SEMA6B: variants seen among roughly 807,000 people sequenced by gnomAD.
SEMA6B encodes the protein semaphorin 6B.
SEMA6B carries 47 observed loss-of-function variants against 78.6 expected under a neutral mutation model. That is an observed-to-expected ratio of 0.60 (90% CI 0.47 to 0.76). The LOEUF (loss-of-function observed/expected upper bound fraction) is 0.76. Among genes scored for constraint, SEMA6B ranks in the 30% least tolerant of loss-of-function variants. The pLI is 0.00. For synonymous variants in SEMA6B, 632 were observed against 592.2 expected (o/e 1.07, Z -0.98); for missense variants, 1,213 against 1,269.9 (o/e 0.96, Z 0.68).
chr19:4,551,961 A>G (rs992354636), intron 10 of SEMA6B, among the ~76,000 whole-genome samples: 4 of 152,144 alleles, frequency 2.6e-5, no homozygotes, highest in African/African-American at 9.7e-5. Context: ...CCTGCAGCCC[A>G]CAAAGCCTTG....
rs931287160 is a variant in SEMA6B, at chr19:4,550,488, C to G, written c.1122-216G>C. Among the ~76,000 whole-genome samples the G allele has an allele frequency of 1.3e-5, 2 of 152,118 alleles. No individual in the cohort carries two copies. Among genetic ancestry groups the G allele is most frequent in the Non-Finnish European group, 2.9e-5 (2 of 68,002 alleles). ...AAGCGATTCTCCTGCTTCAGCCACC[C>G]GAGTGGCTGGGATTACAGGCACGTG... On this transcript the variant is annotated intron_variant, in intron 11 of 16. Transcript: ENST00000586582. This position sits in a 1 kb window ranked among gnomAD's most constrained non-coding sequence, Gnocchi z 6.6.
In SEMA6B at chr19:4,542,644, C is replaced by T; in HGVS notation, c.*957G>A. 3.5e-6 allele frequency: 2 copies of T among 571,898 alleles called. No homozygotes were observed. Among genetic ancestry groups the T allele is most frequent in the Non-Finnish European group, 6.4e-6 (2 of 312,180 alleles). 35.4% of individuals were successfully genotyped at this position (571,898 alleles called of 1,614,324 possible). The stretch of plus-strand genomic sequence containing the variant: ...GGGAGGGGGCTGGGGGAGGCAAACT[C>T]CAGAGAGGGCAGAGGACCCAGCCAG... On this transcript the variant is annotated 3_prime_UTR_variant, in exon 17 of 17. Coordinates refer to ENST00000586582, the MANE Select transcript of SEMA6B (RefSeq NM_032108.4).
chr19:4,542,783 C>G lies in SEMA6B; in HGVS notation c.*818G>C. The stretch of plus-strand genomic sequence containing the variant: ...GTATTTACAGAGGGGCCCCACCCAC[C>G]TTCGCCGCCCCCCAGGCCCCCAAGC... On this transcript the variant is annotated 3_prime_UTR_variant, in exon 17 of 17. Transcript: ENST00000586582. 1.4e-6 allele frequency: 1 copy of G among 701,006 alleles called. No individual in the cohort carries two copies. The allele number at this position is 701,006 out of a possible 1,614,324, so 43.4% of individuals were successfully genotyped here. A position where few individuals can be genotyped will look rare whatever the true frequency, so the allele number is the denominator to read the frequency against.
chr19:4,550,219 G>A lies in SEMA6B; in HGVS notation c.1175C>T (p.Pro392Leu), dbSNP rs765498632. The stretch of plus-strand genomic sequence containing the variant: ...CTTGACAAAGTTGAGGATGTCATCC[G>A]GCAAGGCGCTGGAGGCATTGTACTG... Reference protein sequence around the residue: ...GMQYNASSALPDDILNFVKTH... With the variant: ...GMQYNASSALLDDILNFVKTH... Residue 392 changes from proline to leucine, a missense_variant, in exon 12 of 17, where the codon CCG becomes CTG. Physicochemically the swap from Pro to Leu is moderately conservative, Grantham distance 98. Coordinates refer to ENST00000586582, the MANE Select transcript of SEMA6B (RefSeq NM_032108.4). This position sits in a 1 kb window ranked among gnomAD's most constrained non-coding sequence, Gnocchi z 6.6. 4 of 1,613,634 alleles carry A rather than the reference G, an allele frequency of 2.5e-6. No individual in the cohort carries two copies. Among genetic ancestry groups the A allele is most frequent in the Non-Finnish European group, 3.4e-6 (4 of 1,179,992 alleles).
chr19:4,543,853 C>T lies in SEMA6B; in HGVS notation c.2415G>A (p.Thr805=), dbSNP rs1335432532. ...CGGCTGAGGCTGGGTCCAAGGGGCC[C>T]GTGGGCGCGGACACCACCCGCCGGC... is the stretch of plus-strand genomic sequence containing the variant. ...PDRRRVVSAP[T]GPLDPASAAD... The change falls in exon 17 of 17, where the codon ACG becomes ACA. Residue 805 remains threonine (T), a synonymous_variant. Coordinates refer to ENST00000586582, the MANE Select transcript of SEMA6B (RefSeq NM_032108.4). 1.1e-5 allele frequency: 13 copies of T among 1,209,986 alleles called. No individual in the cohort carries two copies. Among genetic ancestry groups the T allele is most frequent in the African/African-American group, 4.7e-5 (3 of 63,222 alleles). 75.0% of individuals were successfully genotyped at this position (1,209,986 alleles called of 1,614,324 possible). A position where few individuals can be genotyped will look rare whatever the true frequency, so the allele number is the denominator to read the frequency against.
Position 4,554,457 on chromosome 19 carries a change from C to T in SEMA6B, c.702G>A (p.Ala234=), listed in dbSNP as rs756878275. ...AGTAGACATGGCTGCCCCACTCCAC[C>T]GCATGGACAAAGTAAGGCTCTGCAG... ...KWFKEPYFVH[A]VEWGSHVYFF... is the part of the protein sequence containing the mutation. Residue 234 remains alanine, a synonymous_variant, in exon 9 of 17, where the codon GCG becomes GCA. Transcript: ENST00000586582. 5.6e-6 allele frequency: 9 copies of T among 1,613,870 alleles called. No homozygotes were observed. The highest frequency in any genetic ancestry group is 3.3e-5 in the Admixed American group (2 of 60,020).
In SEMA6B at chr19:4,552,304, A is replaced by C. The variant is rs117836440; in HGVS notation, c.989+118T>G. ...CCAGCCTGGGGCCGAGGCCTCTCAG[A>C]GGTCTAATCCAGTGGTGCCCAACCT... On this transcript the variant is annotated intron_variant, in intron 10 of 16. Transcript: ENST00000586582. This position sits in a 1 kb window ranked among gnomAD's most constrained non-coding sequence, Gnocchi z 7.4. 1,034 of 998,754 alleles carry C rather than the reference A, an allele frequency of 1.0e-3. 11 individuals carry two copies. The East Asian group carries it at 0.024, about 23-fold the overall frequency. 61.9% of individuals were successfully genotyped at this position (998,754 alleles called of 1,614,324 possible). A position where few individuals can be genotyped will look rare whatever the true frequency, so the allele number is the denominator to read the frequency against.
At chr19:4,549,413 T>A (rs1187292993) in intron 12 of SEMA6B, among the ~76,000 whole-genome samples, 2 of 150,438 alleles carry the variant, frequency 1.3e-5, no homozygotes, top group Admixed American at 1.3e-4. Flanking sequence ...GTGATTCTCC[T>A]GCCTCAGCCT....
In SEMA6B at chr19:4,550,666, A is replaced by G. The variant is rs1157421068; in HGVS notation, c.1121+133T>C. 1.8e-6 allele frequency: 2 copies of G among 1,140,224 alleles called. No individual in the cohort carries two copies. Among genetic ancestry groups the G allele is most frequent in the South Asian group, 1.6e-5 (1 of 63,770 alleles). The allele number at this position is 1,140,224 out of a possible 1,614,324, so 70.6% of individuals were successfully genotyped here. A position where few individuals can be genotyped will look rare whatever the true frequency, so the allele number is the denominator to read the frequency against. On this transcript the variant is annotated intron_variant, in intron 11 of 16. Coordinates refer to ENST00000586582, the MANE Select transcript of SEMA6B (RefSeq NM_032108.4). This position sits in a 1 kb window ranked among gnomAD's most constrained non-coding sequence, Gnocchi z 6.6. ...GGCGTGAGCCACCACACCAGGCCTC[A>G]GTTTTTCCCAACTGTATAACGGGTA...
chr19:4,549,064 G>A (rs1038076858), intron 12 of SEMA6B, among the ~76,000 whole-genome samples: 2 of 152,134 alleles, frequency 1.3e-5, no homozygotes, highest in Non-Finnish European at 2.9e-5. Flanking sequence ...GACCTCAAGT[G>A]ATCCTCCCGT....
chr19:4,546,473 G>A lies in SEMA6B; in HGVS notation c.1602-4C>T. ...GTCCTGACTGCCGATACAGTTCCTAGAGCAGACCAGGGACCGAATGGGACA... is the reference window on the plus strand; with the variant it reads ...GTCCTGACTGCCGATACAGTTCCTAAAGCAGACCAGGGACCGAATGGGACA... On this transcript the variant is annotated splice_region_variant and splice_polypyrimidine_tract_variant and intron_variant, in intron 14 of 16. Transcript: ENST00000586582. 6.4e-7 allele frequency: 1 copy of A among 1,552,926 alleles called. No homozygotes were observed. The highest frequency in any genetic ancestry group is 8.7e-7 in the Non-Finnish European group (1 of 1,147,180).
chr19:4,543,731 G>T lies in SEMA6B; in HGVS notation c.2537C>A (p.Thr846Asn). 8.1e-7 allele frequency: 1 copy of T among 1,228,350 alleles called. No homozygotes were observed. The highest frequency in any genetic ancestry group is 1.0e-6 in the Non-Finnish European group (1 of 985,782). 76.1% of individuals were successfully genotyped at this position (1,228,350 alleles called of 1,614,324 possible). A position where few individuals can be genotyped will look rare whatever the true frequency, so the allele number is the denominator to read the frequency against. Reference protein sequence around the residue: ...HAPPAATLRRTHTFNSGEARP... With the variant: ...HAPPAATLRRNHTFNSGEARP... ...GGCCTCGCCGCTGTTGAACGTGTGG[G>T]TGCGGCGCAGGGTGGCGGCCGGAGG... Residue 846 changes from threonine to asparagine, a missense_variant, in exon 17 of 17, where the codon ACC becomes AAC. Physicochemically the swap from Thr to Asn is moderately conservative, Grantham distance 65. Transcript: ENST00000586582.
At position 4,543,883 on chromosome 19, in the gene SEMA6B, C is replaced by T; in HGVS notation, c.2385G>A (p.Pro795=). 2 of 1,205,138 alleles carry T rather than the reference C, an allele frequency of 1.7e-6. No individual in the cohort carries two copies. Among genetic ancestry groups the T allele is most frequent in the African/African-American group, 1.6e-5 (1 of 63,162 alleles). The allele number at this position is 1,205,138 out of a possible 1,614,324, so 74.7% of individuals were successfully genotyped here. ...GDFPLTPHAS[P]DRRRVVSAPT... is the part of the protein sequence containing the mutation. ...GCGCGGACACCACCCGCCGGCGGTC[C>T]GGGCTGGCGTGGGGGGTGAGCGGGA... The change falls in exon 17 of 17, where the codon CCG becomes CCA. Residue 795 remains proline (P), a synonymous_variant. Transcript: ENST00000586582.
rs1309742048 is a variant in SEMA6B at position 4,559,538 on chromosome 19, G to T, written c.-41C>A. The T allele has an allele frequency of 1.3e-5, 2 of 152,108 alleles. No individual in the cohort carries two copies. The highest frequency in any genetic ancestry group is 4.8e-5 in the African/African-American group (2 of 41,404). 9.4% of individuals were successfully genotyped at this position (152,108 alleles called of 1,614,324 possible). A position where few individuals can be genotyped will look rare whatever the true frequency, so the allele number is the denominator to read the frequency against. On this transcript the variant is annotated 5_prime_UTR_variant, in exon 1 of 17. Transcript: ENST00000586582. Reference sequence around the variant, plus strand: ...TTCAGAGCACCCCCTACCAGAAAGGGGTACAGTCCAGGTCCCGGAGCCCCG... The same window carrying T: ...TTCAGAGCACCCCCTACCAGAAAGGTGTACAGTCCAGGTCCCGGAGCCCCG...
chr19:4,555,851 G>A lies in SEMA6B; in HGVS notation c.471+137C>T. On this transcript the variant is annotated intron_variant, in intron 6 of 16. Coordinates refer to ENST00000586582, the MANE Select transcript of SEMA6B (RefSeq NM_032108.4). The surrounding 1 kb of genome is among the most constrained non-coding windows in gnomAD (Gnocchi z 6.1). ...CGCTGACTCCTCTTGAGCTCAGGGG[G>A]AGGAGGCAGGGAGAGTATATCCAGG... is the stretch of plus-strand genomic sequence containing the variant. The A allele has an allele frequency of 1.3e-6, 1 of 745,938 alleles. No homozygotes were observed. The highest frequency in any genetic ancestry group is 2.3e-6 in the Non-Finnish European group (1 of 426,648). The allele number at this position is 745,938 out of a possible 1,614,324, so 46.2% of individuals were successfully genotyped here.
chr19:4,557,989 C>T, intron 3 of SEMA6B, 37 bp downstream of exon 3: 8 of 1,326,754 alleles, frequency 6.0e-6, no homozygotes, highest in Non-Finnish European at 6.8e-6. Context: ...GCTCATTCTG[C>T]TCGTCACACA....
At position 4,543,558 on chromosome 19, in the gene SEMA6B, G is replaced by C; in HGVS notation, c.*43C>G. The stretch of plus-strand genomic sequence containing the variant: ...GTTCTGGCACCGTCTCTCGCTCCTG[G>C]TTCCCGTGGCTGGCACTGCCAAGGC... On this transcript the variant is annotated 3_prime_UTR_variant, in exon 17 of 17. Transcript: ENST00000586582. 1 of 1,075,850 alleles carries C rather than the reference G, an allele frequency of 9.3e-7. No homozygotes were observed. The highest frequency in any genetic ancestry group is 1.2e-6 in the Non-Finnish European group (1 of 843,420). The allele number at this position is 1,075,850 out of a possible 1,614,324, so 66.6% of individuals were successfully genotyped here.
rs1977044984 is a variant in SEMA6B at position 4,542,624 on chromosome 19, G to A, written c.*977C>T. The A allele has an allele frequency of 1.9e-6, 1 of 534,010 alleles. No individual in the cohort carries two copies. Among genetic ancestry groups the A allele is most frequent in the Non-Finnish European group, 3.4e-6 (1 of 291,154 alleles). 33.1% of individuals were successfully genotyped at this position (534,010 alleles called of 1,614,324 possible). On this transcript the variant is annotated 3_prime_UTR_variant, in exon 17 of 17. Coordinates refer to ENST00000586582, the MANE Select transcript of SEMA6B (RefSeq NM_032108.4). ...TAAACAGAGTTTTATTGATGGGGAG[G>A]GGGCTGGGGGAGGCAAACTCCAGAG...
intron 14 of SEMA6B, among the ~76,000 whole-genome samples, chr19:4,547,134 A>ATT (rs764950107): frequency 6.6e-5 from 9 of 135,482 alleles, no homozygotes; most frequent in East Asian, 2.1e-4. Flanking sequence ...TGATTTTTGC[A>ATT]TTTTTTTTTT....
Sources: gnomAD v4.1 joint callset for allele counts (sites outside exome capture counted in the v4.1 genomes callset) on GRCh38, gnomAD v4.1.1 for gene constraint, Gnocchi (gnomAD v3.1) non-coding constraint, MANE v1.5 for transcripts, NCBI Gene and HGNC (gene_info 2026-07-23, HGNC 2026-07-21) for gene names.